The following GRID2 variants were observed in gnomAD, a reference collection of about 807,000 sequenced individuals.
GRID2 encodes the protein glutamate receptor ionotropic, delta-2.
Under a neutral mutation model 114.8 loss-of-function variants are expected in GRID2, and 33 were observed. The observed-to-expected ratio is 0.29, with a 90% CI of 0.22 to 0.38. GRID2 has a LOEUF of 0.38. Ranked by LOEUF, GRID2 falls within the 10% of genes least tolerant of loss-of-function variation. The pLI is 1.00. For missense variants in GRID2, 1,184 were observed against 1,257.7 expected (o/e 0.94, Z 0.89); for synonymous variants, 505 against 449.9 (o/e 1.12, Z -1.55).
intron 2 of GRID2, among the ~76,000 whole-genome samples, chr4:92,751,418 T>C (rs1737450299): frequency 6.6e-6 from 1 of 152,170 alleles, no homozygotes; most frequent in South Asian, 2.1e-4. Context: ...ATTCTAAATA[T>C]ACATCAAAAT....
At chr4:93,319,705 T>C (rs983955071) in intron 8 of GRID2, 1 of 152,098 alleles carries the variant, frequency 6.6e-6, no homozygotes, top group African/African-American at 2.4e-5. Flanking sequence ...ATGCATTGCA[T>C]GTGGGAAGGA....
At chr4:92,666,983 AG>A (rs1270157235) in intron 2 of GRID2, among the ~76,000 whole-genome samples, 1 of 151,422 alleles carries the variant, frequency 6.6e-6, no homozygotes, top group Non-Finnish European at 1.5e-5. Flanking sequence ...GTTAGAGAAC[AG>A]TGTCCTTACT....
At chr4:93,141,469 G>T (rs1735761616) in intron 4 of GRID2, among the ~76,000 whole-genome samples, 1 of 151,982 alleles carries the variant, frequency 6.6e-6, no homozygotes, top group African/African-American at 2.4e-5. Flanking sequence ...AAGCCTCTGA[G>T]ATATCATCAT....
intron 8 of GRID2, among the ~76,000 whole-genome samples, chr4:93,356,731 A>G (rs569661406): frequency 5.9e-5 from 9 of 152,026 alleles, no homozygotes; most frequent in African/African-American, 1.9e-4. Context: ...AGAAAGACAG[A>G]AATCACTGAA....
chr4:92,999,349 G>A (rs1178547505), intron 2 of GRID2, among the ~76,000 whole-genome samples: 2 of 151,808 alleles, frequency 1.3e-5, no homozygotes. Context: ...TTCCCAGTTT[G>A]CCTGGAACTT....
chr4:92,826,734 A>G (rs1256576691), intron 2 of GRID2, among the ~76,000 whole-genome samples: 1 of 152,174 alleles, frequency 6.6e-6, no homozygotes. Context: ...TTAATTTAGT[A>G]CTTTTGTACA....
At chr4:93,061,178 A>T (rs1727763878) in intron 2 of GRID2, among the ~76,000 whole-genome samples, 1 of 146,436 alleles carries the variant, frequency 6.8e-6, no homozygotes, top group South Asian at 2.1e-4. Context: ...AATTTTATAT[A>T]TTCATCAGGT....
At chr4:93,161,925 A>G (rs956649289) in intron 4 of GRID2, among the ~76,000 whole-genome samples, 3 of 151,842 alleles carry the variant, frequency 2.0e-5, no homozygotes, top group Non-Finnish European at 4.4e-5. Flanking sequence ...ATCTGCTGGA[A>G]TTTAATTTTT....
intron 13 of GRID2, among the ~76,000 whole-genome samples, chr4:93,608,308 TTAA>T (rs1257076634): frequency 0.015 from 2,201 of 145,078 alleles, 51 homozygotes; most frequent in African/African-American, 0.054. Context: ...TTTTTTTTTT[TTAA>T]TTTTTTTTTT....
intron 14 of GRID2, among the ~76,000 whole-genome samples, chr4:93,696,872 G>A (rs900885823): frequency 7.2e-5 from 11 of 151,988 alleles, no homozygotes; most frequent in African/African-American, 2.2e-4. Context: ...TATTTTACGC[G>A]TATTAATCTA....
intron 1 of GRID2, among the ~76,000 whole-genome samples, chr4:92,336,050 C>T (rs1357153476): frequency 6.6e-6 from 1 of 151,992 alleles, no homozygotes; most frequent in Non-Finnish European, 1.5e-5. Flanking sequence ...AATGTATGGC[C>T]TTGATTTTCA....
intron 12 of GRID2, among the ~76,000 whole-genome samples, chr4:93,509,593 A>C (rs1400031348): frequency 6.6e-6 from 1 of 152,224 alleles, no homozygotes; most frequent in African/African-American, 2.4e-5. Flanking sequence ...CAATAGAGAA[A>C]GAAATTGCAT....
intron 3 of GRID2, among the ~76,000 whole-genome samples, chr4:93,093,987 C>G (rs1337219390): frequency 1.3e-5 from 2 of 151,950 alleles, no homozygotes; most frequent in African/African-American, 4.8e-5. Flanking sequence ...ATGGGTAACA[C>G]CATTTATTTC....
chr4:93,645,549 C>A (rs1018806169), intron 14 of GRID2, among the ~76,000 whole-genome samples: 5 of 152,210 alleles, frequency 3.3e-5, no homozygotes, highest in South Asian at 2.1e-4. Flanking sequence ...TCAAATGTCT[C>A]TTTTTTGCAT....
intron 2 of GRID2, among the ~76,000 whole-genome samples, chr4:92,911,759 G>A (rs2149491537): frequency 6.6e-6 from 1 of 150,746 alleles, no homozygotes; most frequent in East Asian, 1.9e-4. Context: ...TTGCTTTCAA[G>A]TATTGGCAAA....
chr4:93,417,893 A>T (rs1767880966), intron 9 of GRID2, among the ~76,000 whole-genome samples: 2 of 151,266 alleles, frequency 1.3e-5, no homozygotes, highest in African/African-American at 4.9e-5. Context: ...TCCACATTTG[A>T]GCTATTACAG....
At chr4:93,521,679 T>C (rs531180894) in intron 13 of GRID2, among the ~76,000 whole-genome samples, 1 of 151,838 alleles carries the variant, frequency 6.6e-6, no homozygotes, top group African/African-American at 2.4e-5. Flanking sequence ...ATTATGAGAC[T>C]AGAAAGAAGA....
chr4:93,627,899 C>T (rs570185974), intron 14 of GRID2, among the ~76,000 whole-genome samples: 137 of 152,244 alleles, frequency 9.0e-4, no homozygotes, highest in South Asian at 3.9e-3. Flanking sequence ...ATAGGCTGGA[C>T]GCAGTGGTTC....
At position 93,517,878 on chromosome 4, in the gene GRID2, G is replaced by C. The variant is rs542721219; in HGVS notation, c.2193+2467G>C. The stretch of plus-strand genomic sequence containing the variant: ...CCACACTTCTTCTATAATATCTTGG[G>C]CAAGAATCCATATATATATATATGT... On this transcript the variant is annotated intron_variant, in intron 13 of 15. Coordinates refer to ENST00000282020, the MANE Select transcript of GRID2 (RefSeq NM_001510.4). 3.3e-5 allele frequency among the ~76,000 whole-genome samples: 5 copies of C among 149,394 alleles called. 1 individual carries two copies. The highest frequency in any genetic ancestry group is 1.2e-4 in the African/African-American group (5 of 40,648).
Sources: allele counts gnomAD v4.1 joint callset (sites outside exome capture counted in the v4.1 genomes callset), GRCh38; gene constraint gnomAD v4.1.1; transcripts MANE v1.5; gene names NCBI Gene and HGNC (gene_info 2026-07-23, HGNC 2026-07-21).